LUZP2: variants seen among roughly 807,000 people sequenced by gnomAD.
LUZP2 encodes the protein leucine zipper protein 2.
LUZP2 carries 52 observed loss-of-function variants against 51.6 expected under a neutral mutation model. The observed-to-expected ratio is 1.01, with a 90% CI of 0.81 to 1.27. The LOEUF (loss-of-function observed/expected upper bound fraction) is 1.27, where lower values mean the gene tolerates loss of function less well. Ranked by LOEUF, LUZP2 falls within the 50% of genes most tolerant of loss-of-function variation. LUZP2 has a pLI of 0.00. For synonymous variants in LUZP2, 154 were observed against 137.3 expected, an observed-to-expected ratio of 1.12 and a Z score of -0.85; for missense variants, 436 against 395.4, an observed-to-expected ratio of 1.10 and a Z score of -0.87.
At chr11:24,790,286 T>G (rs2017815) in intron 5 of LUZP2, among the ~76,000 whole-genome samples, 146,111 of 152,166 alleles carry the variant, frequency 0.96, 70,326 homozygotes, top group Non-Finnish European at 1. Flanking sequence ...TTGAAAAAAA[T>G]ACATTTTTTC....
chr11:24,776,319 G>A (rs1848922217), intron 5 of LUZP2, among the ~76,000 whole-genome samples: 1 of 152,010 alleles, frequency 6.6e-6, no homozygotes, highest in African/African-American at 2.4e-5. Context: ...TCCCAGAGAA[G>A]ATACTGAATT....
chr11:25,016,542 A>G (rs1857162783), intron 9 of LUZP2, among the ~76,000 whole-genome samples: 2 of 152,078 alleles, frequency 1.3e-5, no homozygotes, highest in South Asian at 2.1e-4. Context: ...ATGTATATAT[A>G]TACACACATA....
chr11:24,829,231 A>G (rs781023129), intron 5 of LUZP2, among the ~76,000 whole-genome samples: 10 of 152,122 alleles, frequency 6.6e-5, no homozygotes, highest in Non-Finnish European at 1.0e-4. Flanking sequence ...TGAAGGAAAG[A>G]GAGAATGATT....
chr11:24,684,719 T>G (rs1489624714), intron 1 of LUZP2, among the ~76,000 whole-genome samples: 1 of 152,198 alleles, frequency 6.6e-6, no homozygotes. Context: ...CCAGCTGTCT[T>G]GCTCTCCATT....
At chr11:24,569,664 T>C (rs1360874338) in intron 1 of LUZP2, among the ~76,000 whole-genome samples, 6 of 144,324 alleles carry the variant, frequency 4.2e-5, no homozygotes, top group Non-Finnish European at 1.5e-5. Flanking sequence ...ACATATTTAC[T>C]TATTTTCTTT....
In LUZP2 at chr11:24,890,893, T is replaced by TC. The variant is rs1852832021; in HGVS notation, c.397-15097dup. On this transcript the variant is annotated intron_variant, in intron 5 of 11. Transcript: ENST00000336930. ...GGCCATTTACAGGAGGAGTAAAAGT[T>TC]CTTTTTTTTTTTTTTTTTTTTGCAG... 29 of 843,280 alleles carry TC rather than the reference T, an allele frequency of 3.4e-5. No homozygotes were observed. In the Middle Eastern group the frequency reaches 2.4e-3, roughly 69 times the overall value. 52.2% of individuals were successfully genotyped at this position (843,280 alleles called of 1,614,324 possible).
chr11:25,036,592 T>G (rs890434890), intron 9 of LUZP2, among the ~76,000 whole-genome samples: 7 of 152,042 alleles, frequency 4.6e-5, no homozygotes, highest in African/African-American at 1.7e-4. Context: ...TTCTAACATC[T>G]TGATGGAGGC....
At chr11:24,819,975 A>C (rs1220310474) in intron 5 of LUZP2, among the ~76,000 whole-genome samples, 1 of 152,112 alleles carries the variant, frequency 6.6e-6, no homozygotes, top group African/African-American at 2.4e-5. Flanking sequence ...TTCATTGGAG[A>C]GGAAAGCTAT....
At chr11:24,731,216 G>T (rs1403161247) in intron 2 of LUZP2, among the ~76,000 whole-genome samples, 2 of 151,554 alleles carry the variant, frequency 1.3e-5, no homozygotes, top group African/African-American at 4.8e-5. Flanking sequence ...ATGAAGGCAG[G>T]TACCATGACT....
intron 6 of LUZP2, among the ~76,000 whole-genome samples, chr11:24,906,353 G>C (rs1287782181): frequency 6.6e-6 from 1 of 151,088 alleles, no homozygotes; most frequent in African/African-American, 2.4e-5. Flanking sequence ...ATTACTGGGA[G>C]TCCATAAAAT....
At chr11:24,926,345 G>GTGTA (rs1565119248) in intron 7 of LUZP2, among the ~76,000 whole-genome samples, 1 of 44,982 alleles carries the variant, frequency 2.2e-5, no homozygotes, top group African/African-American at 1.1e-4. Flanking sequence ...ATATACGTGT[G>GTGTA]TATATATATA....
intron 1 of LUZP2, among the ~76,000 whole-genome samples, chr11:24,722,314 C>T (rs2133953092): frequency 6.6e-6 from 1 of 152,238 alleles, no homozygotes; most frequent in South Asian, 2.1e-4. Context: ...GTTTAGTGAA[C>T]TTACAGTTCC....
intron 5 of LUZP2, among the ~76,000 whole-genome samples, chr11:24,771,090 G>A (rs186125144): frequency 2.0e-4 from 31 of 152,194 alleles, no homozygotes; most frequent in Non-Finnish European, 2.8e-4. Context: ...ACCTAGAGCC[G>A]CAATGAATTT....
At chr11:24,894,024 A>T (rs535165232) in intron 5 of LUZP2, among the ~76,000 whole-genome samples, 1 of 152,274 alleles carries the variant, frequency 6.6e-6, no homozygotes, top group East Asian at 1.9e-4. Flanking sequence ...TCAGAAGGTG[A>T]GTTCTTTGAA....
At chr11:25,047,856 T>C (rs1427398143) in intron 9 of LUZP2, among the ~76,000 whole-genome samples, 1 of 152,174 alleles carries the variant, frequency 6.6e-6, no homozygotes, top group Non-Finnish European at 1.5e-5. Flanking sequence ...AGTTAGACCC[T>C]ATGCCGGGTA....
At chr11:24,963,837 G>A (rs1197422872) in intron 7 of LUZP2, among the ~76,000 whole-genome samples, 6 of 152,246 alleles carry the variant, frequency 3.9e-5, no homozygotes, top group Admixed American at 3.3e-4. Context: ...TGGAAATGCA[G>A]AAATCACCCG....
At chr11:25,068,923 T>G (rs906928678) in intron 10 of LUZP2, among the ~76,000 whole-genome samples, 8 of 151,954 alleles carry the variant, frequency 5.3e-5, no homozygotes, top group Admixed American at 3.9e-4. Flanking sequence ...TCAAAAAACT[T>G]TATTCATCGC....
At chr11:24,608,787 C>T (rs912773627) in intron 1 of LUZP2, among the ~76,000 whole-genome samples, 3 of 152,068 alleles carry the variant, frequency 2.0e-5, no homozygotes, top group Non-Finnish European at 4.4e-5. Context: ...AAAAGTATTT[C>T]AGTATGATAC....
intron 5 of LUZP2, among the ~76,000 whole-genome samples, chr11:24,842,414 G>A (rs1283112124): frequency 6.6e-6 from 1 of 151,704 alleles, no homozygotes; most frequent in Non-Finnish European, 1.5e-5. Context: ...AGCTTGAAAG[G>A]CATTGCATGA....
Sources: gnomAD v4.1 joint callset for allele counts (sites outside exome capture counted in the v4.1 genomes callset) on GRCh38, gnomAD v4.1.1 for gene constraint, MANE v1.5 for transcripts, NCBI Gene and HGNC (gene_info 2026-07-23, HGNC 2026-07-21) for gene names.